DAZAP1: variants seen among roughly 807,000 people sequenced by gnomAD.
The protein encoded by DAZAP1 is DAZ-associated protein 1.
DAZAP1 carries 6 observed loss-of-function variants against 60.1 expected under a neutral mutation model. The ratio of observed to expected loss-of-function variants is 0.10; its 90% CI spans 0.05 to 0.20. DAZAP1 has a LOEUF of 0.20. DAZAP1 is among the 10% of genes least tolerant of loss of function. The pLI, the probability that DAZAP1 is intolerant of heterozygous loss-of-function variation, is 1.00. For missense variants in DAZAP1, 366 were observed against 560.4 expected (o/e 0.65, Z 3.50); for synonymous variants, 235 against 215.9 (o/e 1.09, Z -0.78).
rs868786876 is a variant in DAZAP1, at chr19:1,431,160, A to G, written c.871+798A>G. Among the ~76,000 whole-genome samples, 13 of 150,440 alleles carry G rather than the reference A, an allele frequency of 8.6e-5. No individual in the cohort carries two copies. The South Asian group carries it at 1.5e-3, about 17-fold the overall frequency. On this transcript the variant is annotated intron_variant, in intron 10 of 11. Coordinates refer to ENST00000233078, the MANE Select transcript of DAZAP1 (RefSeq NM_018959.4). ...TGGTTTTTTTTTGAGATGGAGTCTC[A>G]CTCTGTCGCCCAGGCTAGAGTGCAG...
At chr19:1,408,508 CG>C (rs2082730186) in intron 1 of DAZAP1, among the ~76,000 whole-genome samples, 1 of 152,260 alleles carries the variant, frequency 6.6e-6, no homozygotes, top group African/African-American at 2.4e-5. Context: ...CTATCCCACT[CG>C]GGGCTCCGGG....
chr19:1,434,140 C>T lies in DAZAP1; in HGVS notation c.1049-597C>T, dbSNP rs770086420. On this transcript the variant is annotated intron_variant, in intron 11 of 11. Coordinates refer to ENST00000233078, the MANE Select transcript of DAZAP1 (RefSeq NM_018959.4). This position sits in a 1 kb window ranked among gnomAD's most constrained non-coding sequence, Gnocchi z 8.0. ...TTGTAAAGACACCGCTGTCCATGCT[C>T]CTGAGGTCGGCTGTGTGGGCCGGAC... 7 of 345,032 alleles carry T rather than the reference C, an allele frequency of 2.0e-5. No individual in the cohort carries two copies. Among genetic ancestry groups the T allele is most frequent in the Admixed American group, 8.9e-5 (2 of 22,366 alleles). 21.4% of individuals were successfully genotyped at this position (345,032 alleles called of 1,614,324 possible).
chr19:1,419,786 A>G (rs1330701139), intron 4 of DAZAP1, among the ~76,000 whole-genome samples: 703 of 119,896 alleles, frequency 5.9e-3, no homozygotes, highest in Middle Eastern at 0.054. Flanking sequence ...CACCCCACGC[A>G]CACACTCATG....
chr19:1,429,221 G>A (rs1240783493), intron 8 of DAZAP1, among the ~76,000 whole-genome samples: 3 of 152,262 alleles, frequency 2.0e-5, no homozygotes, highest in Non-Finnish European at 4.4e-5. Flanking sequence ...GTGCCCGTCC[G>A]GGGCCTGGGA....
chr19:1,417,059 G>A, intron 1 of DAZAP1: 1 of 163,818 alleles, frequency 6.1e-6, no homozygotes, highest in Non-Finnish European at 1.3e-5. Flanking sequence ...CTGTAATTCA[G>A]AGGCCGTGTG....
At position 1,426,170 on chromosome 19, in the gene DAZAP1, T is replaced by C. The variant is rs552249754; in HGVS notation, c.546+210T>C. Among the ~76,000 whole-genome samples the C allele has an allele frequency of 6.6e-6, 1 of 152,298 alleles. No individual in the cohort carries two copies. Among genetic ancestry groups the C allele is most frequent in the Admixed American group, 6.5e-5 (1 of 15,298 alleles). On this transcript the variant is annotated intron_variant, in intron 7 of 11. Coordinates refer to ENST00000233078, the MANE Select transcript of DAZAP1 (RefSeq NM_018959.4). This position sits in a 1 kb window ranked among gnomAD's most constrained non-coding sequence, Gnocchi z 5.4. ...TCCTGCGGGGTGGGGATCTCTCAGCTTTGCTCCTGGAGCCCCTCCCTCTGG... is the reference window on the plus strand; with the variant it reads ...TCCTGCGGGGTGGGGATCTCTCAGCCTTGCTCCTGGAGCCCCTCCCTCTGG...
intron 1 of DAZAP1, 36 bp downstream of exon 1, chr19:1,407,838 C>A: frequency 9.4e-7 from 1 of 1,061,678 alleles, no homozygotes; most frequent in Non-Finnish European, 1.1e-6. Flanking sequence ...GTCTCCGCCC[C>A]GAGCCCGGCC....
intron 1 of DAZAP1, among the ~76,000 whole-genome samples, chr19:1,412,545 G>A (rs1013630881): frequency 6.6e-6 from 1 of 152,180 alleles, no homozygotes; most frequent in African/African-American, 2.4e-5. Flanking sequence ...CCTGCCAACT[G>A]CCCCCATTGA....
intron 4 of DAZAP1, 95 bp from the exon 5 acceptor site, chr19:1,421,053 T>C (rs1569067076): frequency 1.8e-6 from 2 of 1,108,566 alleles, no homozygotes; most frequent in Admixed American, 1.8e-5. Context: ...GCTGACTCTT[T>C]AAACCAGCGC....
At chr19:1,414,238 G>A (rs532416136) in intron 1 of DAZAP1, among the ~76,000 whole-genome samples, 10 of 151,880 alleles carry the variant, frequency 6.6e-5, no homozygotes, top group African/African-American at 2.4e-4. Context: ...GGCTGGTCTC[G>A]AACTCCTGAC....
Position 1,426,237 on chromosome 19 carries a change from C to G in DAZAP1, c.546+277C>G, listed in dbSNP as rs2083301958. ...CGGGTAGGGGGCTGGGGCTGGGAGG[C>G]TGTGGCGGTGTTGGGGCTGGCTCCA... On this transcript the variant is annotated intron_variant, in intron 7 of 11. Coordinates refer to ENST00000233078, the MANE Select transcript of DAZAP1 (RefSeq NM_018959.4). The surrounding 1 kb of genome is among the most constrained non-coding windows in gnomAD (Gnocchi z 5.4). 2.3e-6 allele frequency: 1 copy of G among 429,178 alleles called. No homozygotes were observed. The highest frequency in any genetic ancestry group is 2.0e-5 in the African/African-American group (1 of 49,514). The allele number at this position is 429,178 out of a possible 1,614,324, so 26.6% of individuals were successfully genotyped here.
At position 1,425,415 on chromosome 19, in the gene DAZAP1, G is replaced by A. The variant is rs1193898363; in HGVS notation, c.464-463G>A. Among the ~76,000 whole-genome samples the A allele has an allele frequency of 2.0e-5, 3 of 152,322 alleles. No homozygotes were observed. Among genetic ancestry groups the A allele is most frequent in the African/African-American group, 4.8e-5 (2 of 41,576 alleles). On this transcript the variant is annotated intron_variant, in intron 6 of 11. Coordinates refer to ENST00000233078, the MANE Select transcript of DAZAP1 (RefSeq NM_018959.4). The surrounding 1 kb of genome is among the most constrained non-coding windows in gnomAD (Gnocchi z 5.4). Reference sequence around the variant, plus strand: ...CTGACTAAGATGGCGCATTCCACGCGGGCCCCCGGCCTGCAGGGTTCACTG... The same window carrying A: ...CTGACTAAGATGGCGCATTCCACGCAGGCCCCCGGCCTGCAGGGTTCACTG...
rs146453407 is a variant in DAZAP1, at chr19:1,432,590, C to T, written c.948C>T (p.Pro316=). Residue 316 remains proline (P), a synonymous_variant, in exon 11 of 12, where the codon CCC becomes CCT. Coordinates refer to ENST00000233078, the MANE Select transcript of DAZAP1 (RefSeq NM_018959.4). This position sits in a 1 kb window ranked among gnomAD's most constrained non-coding sequence, Gnocchi z 4.9. ...PPGVPPPPAT[P]GAAPLAFPPP... ...GGGTTCCTCCTCCACCAGCCACTCC[C>T]GGGGCAGCACCTCTGGCTTTCCCAC... 48 of 1,613,604 alleles carry T rather than the reference C, an allele frequency of 3.0e-5. No homozygotes were observed. Among genetic ancestry groups the T allele is most frequent in the Non-Finnish European group, 3.6e-5 (42 of 1,179,992 alleles).
Position 1,418,680 on chromosome 19 carries a change from A to G in DAZAP1, c.252A>G (p.Pro84=), listed in dbSNP as rs1381758720. The G allele has an allele frequency of 6.2e-7, 1 of 1,613,850 alleles. No individual in the cohort carries two copies. Among genetic ancestry groups the G allele is most frequent in the Admixed American group, 1.7e-5 (1 of 59,984 alleles). ...ATTTCCTGCAGATCGACCCCAAGCC[A>G]TGCACACCCCGGGGGATGCAGCCGG... ...TLDGRNIDPK[P]CTPRGMQPER... The change falls in exon 4 of 12, where the codon CCA becomes CCG. Residue 84 remains proline, a synonymous_variant. Transcript: ENST00000233078. This position sits in a 1 kb window ranked among gnomAD's most constrained non-coding sequence, Gnocchi z 5.7.
Position 1,434,282 on chromosome 19 carries a change from C to T in DAZAP1, c.1049-455C>T, listed in dbSNP as rs941260981. On this transcript the variant is annotated intron_variant, in intron 11 of 11. Coordinates refer to ENST00000233078, the MANE Select transcript of DAZAP1 (RefSeq NM_018959.4). This position sits in a 1 kb window ranked among gnomAD's most constrained non-coding sequence, Gnocchi z 8.0. The stretch of plus-strand genomic sequence containing the variant: ...GGACGTGCCCTGACAGGAAGGACAA[C>T]GTGGGGTCTGGTCTGCGACGGAGGG... The T allele has an allele frequency of 4.9e-6, 1 of 204,074 alleles. No homozygotes were observed. The highest frequency in any genetic ancestry group is 2.3e-5 in the African/African-American group (1 of 42,718). The allele number at this position is 204,074 out of a possible 1,614,324, so 12.6% of individuals were successfully genotyped here. A position where few individuals can be genotyped will look rare whatever the true frequency, so the allele number is the denominator to read the frequency against.
chr19:1,424,676 C>T (rs897900906), intron 6 of DAZAP1, among the ~76,000 whole-genome samples: 3 of 152,074 alleles, frequency 2.0e-5, no homozygotes, highest in Non-Finnish European at 4.4e-5. Context: ...TCACGCCTCA[C>T]GCCCGTGCTG....
rs2083579424 is a variant in DAZAP1 at position 1,435,618 on chromosome 19, T to C, written c.*706T>C. 1 of 152,272 alleles carries C rather than the reference T, an allele frequency of 6.6e-6. No homozygotes were observed. The allele number at this position is 152,272 out of a possible 1,614,324, so 9.4% of individuals were successfully genotyped here. ...AGCCTTTCTCCCCAGGCACGTGGCT[T>C]CAGGGCGTTTCCCATTGACCAGTTT... On this transcript the variant is annotated 3_prime_UTR_variant, in exon 12 of 12. Transcript: ENST00000233078.
At chr19:1,413,820 T>G (rs2082895820) in intron 1 of DAZAP1, among the ~76,000 whole-genome samples, 1 of 152,196 alleles carries the variant, frequency 6.6e-6, no homozygotes, top group African/African-American at 2.4e-5. Flanking sequence ...AAACTGAAAT[T>G]CTGTCTTGTT....
chr19:1,417,688 A>AATACACACTTACTCT, intron 2 of DAZAP1, 148 bp downstream of exon 2: 1 of 760,084 alleles, frequency 1.3e-6, no homozygotes, highest in Non-Finnish European at 2.1e-6. Context: ...GGACAGAGTA[A>AATACACACTTACTCT]GTGTGTATTT....
Sources: allele counts gnomAD v4.1 joint callset (sites outside exome capture counted in the v4.1 genomes callset), GRCh38; gene constraint gnomAD v4.1.1; non-coding constraint Gnocchi (gnomAD v3.1); transcripts MANE v1.5; gene names NCBI Gene and HGNC (gene_info 2026-07-23, HGNC 2026-07-21).